The following MMP26 variants were observed in gnomAD, a reference collection of about 807,000 sequenced individuals.
MMP26 encodes the protein matrix metallopeptidase 26.
MMP26 carries 33 observed loss-of-function variants against 31.0 expected under a neutral mutation model. The ratio of observed to expected loss-of-function variants is 1.06; its 90% CI spans 0.81 to 1.42. The LOEUF is 1.42. Among genes scored for constraint, MMP26 ranks in the 40% most tolerant of loss-of-function variants. MMP26 has a pLI of 0.00. For synonymous variants in MMP26, 122 were observed against 114.9 expected (o/e 1.06, Z -0.40); for missense variants, 347 against 316.1 (o/e 1.10, Z -0.74).
At chr11:4,722,040 A>G (rs1002693580) in intron 1 of MMP26, among the ~76,000 whole-genome samples, 3 of 152,168 alleles carry the variant, frequency 2.0e-5, no homozygotes, top group Non-Finnish European at 4.4e-5. Context: ...TGTGAAGTGC[A>G]TTGTTCTCAC....
intron 2 of MMP26, among the ~76,000 whole-genome samples, chr11:4,885,880 A>G (rs987655923): frequency 2.6e-5 from 4 of 152,046 alleles, no homozygotes; most frequent in African/African-American, 7.2e-5. Flanking sequence ...CCATTCCTTT[A>G]CATATGCTTT....
intron 2 of MMP26, among the ~76,000 whole-genome samples, chr11:4,977,804 T>G (rs1195633155): frequency 6.6e-6 from 1 of 152,136 alleles, no homozygotes; most frequent in Non-Finnish European, 1.5e-5. Context: ...TCCTCTACTA[T>G]CTAGCTTAGA....
At chr11:4,708,676 C>T (rs1199137200) in intron 1 of MMP26, among the ~76,000 whole-genome samples, 1 of 152,156 alleles carries the variant, frequency 6.6e-6, no homozygotes, top group Non-Finnish European at 1.5e-5. Context: ...ATTTTCAATC[C>T]TACAGATTTA....
chr11:4,968,777 T>C (rs1353162536), intron 2 of MMP26, among the ~76,000 whole-genome samples: 1 of 151,988 alleles, frequency 6.6e-6, no homozygotes, highest in African/African-American at 2.4e-5. Context: ...TAAATCCACT[T>C]ACATATTTAG....
chr11:4,924,031 G>C (rs1339685415), intron 2 of MMP26: 5 of 1,614,034 alleles, frequency 3.1e-6, no homozygotes, highest in Non-Finnish European at 4.2e-6. Context: ...GGATGAAGAA[G>C]AGCTGAGTGA....
intron 2 of MMP26, chr11:4,769,032 C>T (rs1848669495): frequency 6.5e-7 from 1 of 1,527,648 alleles, no homozygotes; most frequent in Non-Finnish European, 8.8e-7. Context: ...TTTGTTTTTA[C>T]ACTGTCGATG....
chr11:4,992,216 G>GA lies in MMP26; in HGVS notation c.765dup (p.Cys256MetfsTer4), dbSNP rs1847018718. The GA allele has an allele frequency of 6.2e-7, 1 of 1,610,186 alleles. No homozygotes were observed. Among genetic ancestry groups the GA allele is most frequent in the Non-Finnish European group, 8.5e-7 (1 of 1,178,228 alleles). On this transcript the variant is annotated frameshift_variant, in exon 8 of 8. Coordinates refer to ENST00000380390, the MANE Select transcript of MMP26 (RefSeq NM_021801.5). LOFTEE classifies it high-confidence loss of function. ...GTTTTTTTTTTCTGTTTCCATAGGAGAAAAATGTTCATCTGACATACCTTA... is the reference window on the plus strand; with the variant it reads ...GTTTTTTTTTTCTGTTTCCATAGGAGAAAAAATGTTCATCTGACATACCTTA...
intron 2 of MMP26, among the ~76,000 whole-genome samples, chr11:4,918,677 T>C (rs550794069): frequency 1.2e-4 from 19 of 152,084 alleles, no homozygotes; most frequent in Non-Finnish European, 2.2e-4. Flanking sequence ...CAGGATACAG[T>C]GGGTTCAGCA....
rs555373529 is a variant in MMP26 at position 4,901,134 on chromosome 11, C to A, written c.-144-86934C>A. On this transcript the variant is annotated intron_variant, in intron 2 of 7. Transcript: ENST00000380390. The stretch of plus-strand genomic sequence containing the variant: ...AGTGCACTAACATCAGTGGACTTCG[C>A]ATCACCTCTTTGTGCTTTTTTTTTT... 3.6e-4 allele frequency among the ~76,000 whole-genome samples: 52 copies of A among 145,722 alleles called. No individual in the cohort carries two copies. The East Asian group carries it at 9.7e-3, about 27-fold the overall frequency.
intron 2 of MMP26, chr11:4,848,065 G>T: frequency 1.5e-6 from 1 of 645,402 alleles, no homozygotes; most frequent in South Asian, 2.3e-5. Flanking sequence ...ATTCTTTGGG[G>T]CTTGTAAGTT....
At chr11:4,924,737 A>C (rs1288589764) in intron 2 of MMP26, among the ~76,000 whole-genome samples, 1 of 152,206 alleles carries the variant, frequency 6.6e-6, no homozygotes, top group Non-Finnish European at 1.5e-5. Context: ...AGAGATTTAC[A>C]CTAGGTTTGA....
At chr11:4,882,801 T>A in intron 2 of MMP26, 1 of 1,613,680 alleles carries the variant, frequency 6.2e-7, no homozygotes, top group East Asian at 2.2e-5. Context: ...ACCAAGACAA[T>A]CCGCCAGGCT....
intron 2 of MMP26, chr11:4,803,773 A>C (rs1407095664): frequency 6.2e-7 from 1 of 1,613,414 alleles, no homozygotes; most frequent in Non-Finnish European, 8.5e-7. Context: ...GGCCACAAAG[A>C]GCCCATTCCC....
chr11:4,745,470 C>A (rs1848367609), intron 1 of MMP26, among the ~76,000 whole-genome samples: 1 of 152,182 alleles, frequency 6.6e-6, no homozygotes, highest in Non-Finnish European at 1.5e-5. Flanking sequence ...TTTAGGTTCA[C>A]AGCAAAATTT....
intron 2 of MMP26, among the ~76,000 whole-genome samples, chr11:4,919,919 G>C (rs1851157024): frequency 6.6e-6 from 1 of 152,078 alleles, no homozygotes; most frequent in Non-Finnish European, 1.5e-5. Context: ...TCAGAACTCA[G>C]TCCTTTGTTT....
intron 1 of MMP26, chr11:4,723,701 T>G (rs1848052359): frequency 1.0e-6 from 1 of 984,362 alleles, no homozygotes; most frequent in African/African-American, 1.6e-5. Flanking sequence ...AGCTTCAGCT[T>G]CTCCTGGCCC....
At chr11:4,896,217 C>T (rs1373547080) in intron 2 of MMP26, among the ~76,000 whole-genome samples, 2 of 152,118 alleles carry the variant, frequency 1.3e-5, no homozygotes, top group African/African-American at 4.8e-5. Context: ...TGTTATGGTC[C>T]TATTTTACTT....
chr11:4,923,476 A>G (rs901603615), intron 2 of MMP26: 9 of 1,613,772 alleles, frequency 5.6e-6, no homozygotes, highest in Non-Finnish European at 7.6e-6. Context: ...TGGGGTTCAT[A>G]AGGGGTGGTA....
At chr11:4,908,546 T>A in intron 2 of MMP26, 1 of 532,096 alleles carries the variant, frequency 1.9e-6, no homozygotes, top group South Asian at 2.1e-5. Flanking sequence ...GGAAAATACT[T>A]CTGTGATGGA....
Sources: gnomAD v4.1 joint callset for allele counts (sites outside exome capture counted in the v4.1 genomes callset) on GRCh38, gnomAD v4.1.1 for gene constraint, MANE v1.5 for transcripts, NCBI Gene and HGNC (gene_info 2026-07-23, HGNC 2026-07-21) for gene names.